The following TESK2 variants were observed in gnomAD, a reference collection of about 807,000 sequenced individuals.
TESK2 encodes the protein dual specificity testis-specific protein kinase 2.
A neutral mutation model predicts 57.1 loss-of-function variants in TESK2; 39 were observed. The observed-to-expected ratio is 0.68, with a 90% CI of 0.53 to 0.89. The LOEUF is 0.89. Ranked by LOEUF, TESK2 falls within the 40% of genes least tolerant of loss-of-function variation. The pLI is 0.00. For missense variants in TESK2, 646 were observed against 732.1 expected (o/e 0.88, Z 1.36); for synonymous variants, 249 against 267.9 (o/e 0.93, Z 0.69).
rs530393598 is a variant in TESK2, at chr1:45,348,385, C to T, written c.541-385G>A. ...CCCCTGGCCTCCCTTCCTCCTTCCT[C>T]AGAAACACAGACCCAAAGCCCAGGC... On this transcript the variant is annotated intron_variant, in intron 5 of 10. Transcript: ENST00000372086. Among the ~76,000 whole-genome samples the T allele has an allele frequency of 2.2e-3, 336 of 152,354 alleles. 5 individuals carry two copies. The highest frequency in any genetic ancestry group is 7.8e-3 in the African/African-American group (323 of 41,578).
chr1:45,485,785 T>C (rs1468164664), intron 1 of TESK2, among the ~76,000 whole-genome samples: 1 of 152,008 alleles, frequency 6.6e-6, no homozygotes, highest in Non-Finnish European at 1.5e-5. Flanking sequence ...CCTCCCAAAG[T>C]GCTGGGATTA....
At chr1:45,422,410 GAAAT>G (rs532578064) in intron 2 of TESK2, among the ~76,000 whole-genome samples, 9 of 152,232 alleles carry the variant, frequency 5.9e-5, no homozygotes, top group Non-Finnish European at 1.0e-4. Flanking sequence ...AAAAAATGAA[GAAAT>G]AAATAAAAGA....
chr1:45,466,080 C>T (rs946789174), intron 1 of TESK2, among the ~76,000 whole-genome samples: 6 of 152,092 alleles, frequency 3.9e-5, no homozygotes, highest in Non-Finnish European at 5.9e-5. Flanking sequence ...TGGTGCCTTA[C>T]GTCTATAATC....
At chr1:45,377,948 C>A (rs986338092) in intron 4 of TESK2, among the ~76,000 whole-genome samples, 4 of 151,696 alleles carry the variant, frequency 2.6e-5, no homozygotes, top group African/African-American at 9.7e-5. Flanking sequence ...ATCTCTTGAA[C>A]CTGGGAGGTG....
intron 4 of TESK2, among the ~76,000 whole-genome samples, chr1:45,366,052 G>A (rs1420197146): frequency 2.6e-5 from 4 of 151,504 alleles, no homozygotes; most frequent in African/African-American, 7.3e-5. Flanking sequence ...CAGGTGATCC[G>A]CCTGCCTCGA....
rs72112739 is a variant in TESK2, at chr1:45,352,731, T to TTG, written c.540+2570_540+2571dup. ...CCTTGGAGCCAGGTATAGGAGACAC[T>TTG]TGTGTGTGTGTGTGTGTGGGGGGAG... On this transcript the variant is annotated intron_variant, in intron 5 of 10. Transcript: ENST00000372086. Among the ~76,000 whole-genome samples the TTG allele has an allele frequency of 5.5e-3, 823 of 150,994 alleles. 8 individuals are homozygous for TTG. Among genetic ancestry groups the TTG allele is most frequent in the African/African-American group, 0.018 (749 of 41,234 alleles).
In TESK2 at chr1:45,440,710, G is replaced by A. The variant is rs112899692; in HGVS notation, c.222+16854C>T. ...CAGCCTGGGTGACAGAGCAAGACTC[G>A]GTCTCAAAAAAAAAAAACAAACAAA... is the stretch of plus-strand genomic sequence containing the variant. On this transcript the variant is annotated intron_variant, in intron 2 of 10. Transcript: ENST00000372086. Among the ~76,000 whole-genome samples the A allele has an allele frequency of 5.9e-3, 862 of 147,190 alleles. 7 individuals carry two copies. Among genetic ancestry groups the A allele is most frequent in the African/African-American group, 0.02 (738 of 37,790 alleles).
chr1:45,435,013 G>A (rs1570727398), intron 2 of TESK2, among the ~76,000 whole-genome samples: 2 of 150,498 alleles, frequency 1.3e-5, no homozygotes, highest in East Asian at 1.9e-4. Context: ...ACCAAGGCTG[G>A]AGTGCAGTGG....
chr1:45,399,857 A>G (rs1186086996), intron 3 of TESK2, among the ~76,000 whole-genome samples: 1 of 152,206 alleles, frequency 6.6e-6, no homozygotes, highest in Non-Finnish European at 1.5e-5. Flanking sequence ...GGAGTATGGG[A>G]AGAAAATGAA....
Position 45,347,000 on chromosome 1 carries a change from C to T in TESK2, c.771G>A (p.Pro257=), listed in dbSNP as rs368815801. 1.3e-5 allele frequency: 21 copies of T among 1,614,050 alleles called. No individual in the cohort carries two copies. The highest frequency in any genetic ancestry group is 1.6e-5 in the Non-Finnish European group (19 of 1,180,048). The change falls in exon 8 of 11, where the codon CCG becomes CCA. Residue 257 remains proline (P), a synonymous_variant. Coordinates refer to ENST00000372086, the MANE Select transcript of TESK2 (RefSeq NM_007170.3). ...CEIIARIQAD[P]DYLPRTENFG... ...TCACCTCTGTGCGGGGAAGATAGTC[C>T]GGATCGGCCTGGATGCGGGCGATGA...
At chr1:45,485,576 T>G (rs1339833846) in intron 1 of TESK2, among the ~76,000 whole-genome samples, 1 of 150,474 alleles carries the variant, frequency 6.6e-6, no homozygotes, top group African/African-American at 2.4e-5. Context: ...TGCAGTACAG[T>G]GGCATGATCT....
chr1:45,348,286 T>C (rs926697643), intron 5 of TESK2, among the ~76,000 whole-genome samples: 3 of 152,324 alleles, frequency 2.0e-5, no homozygotes, highest in Admixed American at 1.3e-4. Flanking sequence ...GTGCTAGAAA[T>C]AGCTAGATGA....
At chr1:45,484,037 ACAGGGGTTGGCTT>A (rs1239400517) in intron 1 of TESK2, among the ~76,000 whole-genome samples, 1 of 148,932 alleles carries the variant, frequency 6.7e-6, no homozygotes, top group Admixed American at 6.7e-5. Flanking sequence ...TTTCTACCGC[ACAGGGGTTGGCTT>A]CCCAACCCCT....
At chr1:45,383,084 C>T (rs1395623288) in intron 4 of TESK2, among the ~76,000 whole-genome samples, 4 of 152,122 alleles carry the variant, frequency 2.6e-5, no homozygotes, top group Non-Finnish European at 4.4e-5. Context: ...CCATGCTTGT[C>T]TACTGTAATT....
intron 4 of TESK2, among the ~76,000 whole-genome samples, chr1:45,362,238 A>G (rs767117840): frequency 2.0e-5 from 3 of 152,230 alleles, no homozygotes; most frequent in Non-Finnish European, 4.4e-5. Flanking sequence ...AGCAGCATAA[A>G]TGGACTAAGA....
At chr1:45,398,011 G>A (rs1384771380) in intron 3 of TESK2, among the ~76,000 whole-genome samples, 1 of 152,060 alleles carries the variant, frequency 6.6e-6, no homozygotes, top group East Asian at 1.9e-4. Context: ...GGGCTCACAC[G>A]ATCCTCCCAC....
intron 4 of TESK2, chr1:45,385,301 G>A (rs1648843385): frequency 3.0e-6 from 3 of 984,156 alleles, no homozygotes; most frequent in Non-Finnish European, 3.6e-6. Flanking sequence ...TACCTGAATT[G>A]GCTCTAAAGA....
chr1:45,462,414 A>G (rs1305078004), intron 1 of TESK2, among the ~76,000 whole-genome samples: 2 of 152,052 alleles, frequency 1.3e-5, no homozygotes, highest in Non-Finnish European at 1.5e-5. Flanking sequence ...CTGGGACTAC[A>G]GGCGCCTGAC....
chr1:45,355,472 A>C, intron 4 of TESK2, 23 bp from the exon 5 acceptor site: 1 of 1,590,610 alleles, frequency 6.3e-7, no homozygotes, highest in Non-Finnish European at 8.5e-7. Flanking sequence ...AGGAAAACCC[A>C]GCTACCATTT....
Sources: allele counts gnomAD v4.1 joint callset (sites outside exome capture counted in the v4.1 genomes callset), GRCh38; gene constraint gnomAD v4.1.1; transcripts MANE v1.5; gene names NCBI Gene and HGNC (gene_info 2026-07-23, HGNC 2026-07-21).